NFYC: variants seen among roughly 807,000 people sequenced by gnomAD.
The protein encoded by NFYC is CAAT box DNA-binding protein subunit C.
Under a neutral mutation model 53.1 loss-of-function variants are expected in NFYC, and 25 were observed. The observed-to-expected ratio is 0.47, with a 90% CI of 0.34 to 0.66. NFYC has a LOEUF of 0.66. NFYC is among the 30% of genes least tolerant of loss of function. The pLI is 0.01. For synonymous variants in NFYC, 145 were observed against 152.6 expected (o/e 0.95, Z 0.37); for missense variants, 260 against 422.7 (o/e 0.62, Z 3.38).
intron 1 of NFYC, among the ~76,000 whole-genome samples, chr1:40,724,293 G>A (rs1031542586): frequency 2.6e-5 from 4 of 152,082 alleles, no homozygotes; most frequent in African/African-American, 4.8e-5. Flanking sequence ...GCTTGAACCC[G>A]GGAGGTGGAG....
intron 5 of NFYC, among the ~76,000 whole-genome samples, chr1:40,753,806 C>T (rs1156773372): frequency 6.6e-6 from 1 of 152,146 alleles, no homozygotes; most frequent in Non-Finnish European, 1.5e-5. Flanking sequence ...TTTTAAAACT[C>T]CCTGGATGCT....
chr1:40,726,650 G>A (rs769840538), intron 1 of NFYC, among the ~76,000 whole-genome samples: 1 of 150,752 alleles, frequency 6.6e-6, no homozygotes, highest in Non-Finnish European at 1.5e-5. Context: ...CTCCTGGGCT[G>A]AAGTGATCCT....
rs116477061 is a variant in NFYC at position 40,739,335 on chromosome 1, A to G, written c.105+387A>G. 5.0e-3 allele frequency among the ~76,000 whole-genome samples: 763 copies of G among 151,924 alleles called. 5 individuals are homozygous for G. The highest frequency in any genetic ancestry group is 0.018 in the African/African-American group (736 of 41,528). ...AGAACTTGGTAAAAACTATTGGGCA[A>G]TTTATTCAACAACAAATCTATTGTG... On this transcript the variant is annotated intron_variant, in intron 2 of 9. Coordinates refer to ENST00000447388, the MANE Select transcript of NFYC (RefSeq NM_014223.5).
intron 2 of NFYC, among the ~76,000 whole-genome samples, chr1:40,740,968 G>A (rs10889601): frequency 0.21 from 31,752 of 149,320 alleles, 3,399 homozygotes; most frequent in African/African-American, 0.24. Flanking sequence ...ATAAAATTTC[G>A]CCCCTTATCC....
In NFYC at chr1:40,749,668, C is replaced by T. The variant is rs1251585212; in HGVS notation, c.273C>T (p.Asn91=). 2 of 1,614,012 alleles carry T rather than the reference C, an allele frequency of 1.2e-6. No individual in the cohort carries two copies. The highest frequency in any genetic ancestry group is 1.7e-6 in the Non-Finnish European group (2 of 1,179,964). The change falls in exon 4 of 10, where the codon AAC becomes AAT. Residue 91 remains asparagine (N), a synonymous_variant. Coordinates refer to ENST00000447388, the MANE Select transcript of NFYC (RefSeq NM_014223.5). ...GAGCCTGGATTCACACAGAAGATAACAAGCGCCGGACTCTACAGGTATTAT... is the reference window on the plus strand; with the variant it reads ...GAGCCTGGATTCACACAGAAGATAATAAGCGCCGGACTCTACAGGTATTAT... The part of the protein sequence containing the change: ...TLRAWIHTED[N]KRRTLQRNDI...
At chr1:40,732,366 C>T (rs1275929215) in intron 1 of NFYC, among the ~76,000 whole-genome samples, 1 of 152,182 alleles carries the variant, frequency 6.6e-6, no homozygotes, top group Non-Finnish European at 1.5e-5. Flanking sequence ...TTGTTCCATG[C>T]CCAGGCATAT....
chr1:40,709,378 G>A (rs925686096), intron 1 of NFYC: 12 of 152,200 alleles, frequency 7.9e-5, no homozygotes. Context: ...TGGAGCCTCG[G>A]AGTTTTTCAC....
intron 2 of NFYC, among the ~76,000 whole-genome samples, chr1:40,743,526 C>A (rs941178339): frequency 6.6e-6 from 1 of 152,240 alleles, no homozygotes; most frequent in Non-Finnish European, 1.5e-5. Flanking sequence ...TCTCTACTTA[C>A]TCTTTACATC....
At chr1:40,765,749 T>C (rs1194110743) in intron 7 of NFYC, among the ~76,000 whole-genome samples, 1 of 152,216 alleles carries the variant, frequency 6.6e-6, no homozygotes, top group Non-Finnish European at 1.5e-5. Context: ...TACAGTTCTC[T>C]GATGTGGTAA....
chr1:40,747,809 T>G (rs1645690711), intron 3 of NFYC, among the ~76,000 whole-genome samples: 1 of 151,948 alleles, frequency 6.6e-6, no homozygotes, highest in Non-Finnish European at 1.5e-5. Flanking sequence ...TCCTGAAAAT[T>G]TTTTAGATGT....
intron 1 of NFYC, among the ~76,000 whole-genome samples, chr1:40,709,801 G>T (rs1261544920): frequency 2.0e-5 from 3 of 152,132 alleles, no homozygotes; most frequent in Admixed American, 6.5e-5. Flanking sequence ...TCCTAGTTGG[G>T]TATCGACAAG....
chr1:40,691,736 C>A lies in NFYC; in HGVS notation c.-140C>A. 1 of 455,556 alleles carries A rather than the reference C, an allele frequency of 2.2e-6. No individual in the cohort carries two copies. The highest frequency in any genetic ancestry group is 4.4e-6 in the Non-Finnish European group (1 of 226,444). The allele number at this position is 455,556 out of a possible 1,614,324, so 28.2% of individuals were successfully genotyped here. A position where few individuals can be genotyped will look rare whatever the true frequency, so the allele number is the denominator to read the frequency against. On this transcript the variant is annotated 5_prime_UTR_variant, in exon 1 of 10. Coordinates refer to ENST00000447388, the MANE Select transcript of NFYC (RefSeq NM_014223.5). Reference sequence around the variant, plus strand: ...GCGTGGCCGCCATCTTGCTTGTGCCCCCGCTTCGCGCGCGCTCCGTTCTCC... The same window carrying A: ...GCGTGGCCGCCATCTTGCTTGTGCCACCGCTTCGCGCGCGCTCCGTTCTCC...
rs113362150 is a variant in NFYC at position 40,769,492 on chromosome 1, G to A, written c.888+77G>A. On this transcript the variant is annotated intron_variant, in intron 9 of 9. Transcript: ENST00000447388. ...TAGCAGGTAGTATCTGGGTTTGGAT[G>A]GTTAGGGCAACTGTCCTGTCCTCTA... 56 of 1,286,530 alleles carry A rather than the reference G, an allele frequency of 4.4e-5. 3 individuals carry two copies. The African/African-American group carries it at 4.4e-4, about 10-fold the overall frequency. The allele number at this position is 1,286,530 out of a possible 1,614,324, so 79.7% of individuals were successfully genotyped here.
chr1:40,769,161 TTG>T, intron 8 of NFYC, 193 bp from the exon 9 acceptor site: 1 of 599,540 alleles, frequency 1.7e-6, no homozygotes, highest in Non-Finnish European at 3.1e-6. Flanking sequence ...CGATGTCACT[TTG>T]TGCTGCCAAC....
intron 3 of NFYC, among the ~76,000 whole-genome samples, chr1:40,748,489 A>G (rs1231612640): frequency 1.3e-5 from 2 of 152,180 alleles, no homozygotes; most frequent in East Asian, 1.9e-4. Context: ...CATCAAATCA[A>G]CAGGACAGTG....
At chr1:40,739,361 A>G (rs1228281847) in intron 2 of NFYC, among the ~76,000 whole-genome samples, 2 of 152,178 alleles carry the variant, frequency 1.3e-5, no homozygotes, top group African/African-American at 4.8e-5. Context: ...ATCTATTGTG[A>G]GTCAGGAACT....
chr1:40,769,460 GGCAGGGTA>G (rs1557948967), intron 9 of NFYC, 45 bp downstream of exon 9: 3 of 1,569,772 alleles, frequency 1.9e-6, no homozygotes, highest in Non-Finnish European at 2.6e-6. Context: ...GGATTTGCGG[GGCAGGGTA>G]GCAGGTAGTA....
intron 1 of NFYC, chr1:40,730,619 A>G (rs561422322): frequency 7.1e-6 from 7 of 984,470 alleles, no homozygotes; most frequent in Admixed American, 1.2e-4. Context: ...AAGTGCCTTG[A>G]TCATAGAGAG....
At chr1:40,760,870 G>A (rs546118789) in intron 6 of NFYC, among the ~76,000 whole-genome samples, 2 of 152,328 alleles carry the variant, frequency 1.3e-5, no homozygotes, top group South Asian at 4.1e-4. Flanking sequence ...ACTGGCTCAA[G>A]GCCTCGACTG....
Sources: allele counts gnomAD v4.1 joint callset (sites outside exome capture counted in the v4.1 genomes callset), GRCh38; gene constraint gnomAD v4.1.1; transcripts MANE v1.5; gene names NCBI Gene and HGNC (gene_info 2026-07-23, HGNC 2026-07-21).